Variants in NIPSNAP3A observed in about 807,000 individuals in gnomAD.
The protein encoded by NIPSNAP3A is nipsnap homolog 3A.
Under a neutral mutation model 32.3 loss-of-function variants are expected in NIPSNAP3A, and 27 were observed. That is an observed-to-expected ratio of 0.84 (90% CI 0.62 to 1.15). The LOEUF (loss-of-function observed/expected upper bound fraction) is 1.15. Ranked by LOEUF, NIPSNAP3A falls within the 50% of genes most tolerant of loss-of-function variation. NIPSNAP3A has a pLI of 0.00. For missense variants in NIPSNAP3A, 278 were observed against 297.2 expected (o/e 0.94, Z 0.48); for synonymous variants, 108 against 107.3 (o/e 1.01, Z -0.04).
intron 4 of NIPSNAP3A, among the ~76,000 whole-genome samples, chr9:104,755,774 T>C (rs1312477656): frequency 6.6e-6 from 1 of 151,904 alleles, no homozygotes; most frequent in Non-Finnish European, 1.5e-5. Context: ...TAAGAATTAG[T>C]TGGGCATGGT....
Position 104,751,266 on chromosome 9 carries a change from A to G in NIPSNAP3A, c.271+100A>G, listed in dbSNP as rs541629632. 2.6e-5 allele frequency: 28 copies of G among 1,089,494 alleles called. No homozygotes were observed. In the African/African-American group the frequency reaches 2.6e-4, roughly 10 times the overall value. 67.5% of individuals were successfully genotyped at this position (1,089,494 alleles called of 1,614,324 possible). A position where few individuals can be genotyped will look rare whatever the true frequency, so the allele number is the denominator to read the frequency against. On this transcript the variant is annotated intron_variant, in intron 2 of 5. Coordinates refer to ENST00000374767, the MANE Select transcript of NIPSNAP3A (RefSeq NM_015469.3). ...AACATAAAACTTAGTTCTTGGATGT[A>G]TATTATTTTAGATACATACAGGTTA...
chr9:104,755,048 T>C (rs992408905), intron 4 of NIPSNAP3A, among the ~76,000 whole-genome samples: 2 of 152,082 alleles, frequency 1.3e-5, no homozygotes, highest in African/African-American at 4.8e-5. Flanking sequence ...GAGACCAGCC[T>C]GGCAAACATG....
At chr9:104,751,659 G>A (rs551697997) in intron 2 of NIPSNAP3A, among the ~76,000 whole-genome samples, 1 of 152,190 alleles carries the variant, frequency 6.6e-6, no homozygotes, top group South Asian at 2.1e-4. Flanking sequence ...AGGTTTATAG[G>A]GGATGATGGT....
chr9:104,749,523 AG>A (rs1288276182), intron 1 of NIPSNAP3A, among the ~76,000 whole-genome samples: 1 of 152,256 alleles, frequency 6.6e-6, no homozygotes, highest in Non-Finnish European at 1.5e-5. Context: ...ATAGCTTTGT[AG>A]GTATCAAAAC....
At chr9:104,754,761 G>C in intron 4 of NIPSNAP3A, 61 bp downstream of exon 4, 1 of 1,336,642 alleles carries the variant, frequency 7.5e-7, no homozygotes. Flanking sequence ...TAAGTTCCTT[G>C]GGTCAGGTTC....
At chr9:104,752,292 T>C (rs1827856100) in intron 2 of NIPSNAP3A, among the ~76,000 whole-genome samples, 2 of 152,108 alleles carry the variant, frequency 1.3e-5, no homozygotes, top group African/African-American at 4.8e-5. Context: ...TTCTTTGAAA[T>C]CTGTTTGTTC....
chr9:104,748,731 C>T (rs1827810747), intron 1 of NIPSNAP3A, among the ~76,000 whole-genome samples: 1 of 152,148 alleles, frequency 6.6e-6, no homozygotes, highest in Admixed American at 6.5e-5. Context: ...GTTAACAATG[C>T]AGTTTTTACC....
At chr9:104,750,257 T>C (rs2118748889) in intron 1 of NIPSNAP3A, among the ~76,000 whole-genome samples, 1 of 152,346 alleles carries the variant, frequency 6.6e-6, no homozygotes. Context: ...AGAATCCTAA[T>C]TGTAGTTCTT....
At chr9:104,756,330 G>C (rs991002370) in intron 4 of NIPSNAP3A, among the ~76,000 whole-genome samples, 4 of 151,668 alleles carry the variant, frequency 2.6e-5, no homozygotes, top group Non-Finnish European at 4.4e-5. Flanking sequence ...AGCAAATGAA[G>C]AAACTATGAA....
Position 104,759,285 on chromosome 9 carries a change from G to GTA in NIPSNAP3A, c.693_694dup (p.Ser232TyrfsTer8). On this transcript the variant is annotated frameshift_variant, in exon 6 of 6. Coordinates refer to ENST00000374767, the MANE Select transcript of NIPSNAP3A (RefSeq NM_015469.3). LOFTEE classifies it high-confidence loss of function. ...AGTTCGGGAAAGTGTCAACTACCTA[G>GTA]TATCTCAGCAGAATATGCTTCTGAT... 1 of 1,614,098 alleles carries GTA rather than the reference G, an allele frequency of 6.2e-7. No homozygotes were observed. The highest frequency in any genetic ancestry group is 8.5e-7 in the Non-Finnish European group (1 of 1,180,020).
intron 4 of NIPSNAP3A, 118 bp downstream of exon 4, chr9:104,754,818 T>G (rs1827887758): frequency 1.3e-6 from 1 of 753,928 alleles, no homozygotes; most frequent in Non-Finnish European, 2.2e-6. Flanking sequence ...AAATGTTTAG[T>G]TTTTTGTAAT....
intron 1 of NIPSNAP3A, among the ~76,000 whole-genome samples, chr9:104,748,673 C>CAA (rs1827808528): frequency 6.6e-6 from 1 of 152,150 alleles, no homozygotes; most frequent in Non-Finnish European, 1.5e-5. Context: ...GTCCTAGAGA[C>CAA]AGACTGAGGA....
chr9:104,759,623 G>A lies in NIPSNAP3A; in HGVS notation c.*285G>A, dbSNP rs1827950066. The A allele has an allele frequency of 2.6e-6, 1 of 378,286 alleles. No individual in the cohort carries two copies. Among genetic ancestry groups the A allele is most frequent in the East Asian group, 5.6e-5 (1 of 17,922 alleles). 23.4% of individuals were successfully genotyped at this position (378,286 alleles called of 1,614,324 possible). On this transcript the variant is annotated 3_prime_UTR_variant, in exon 6 of 6. Transcript: ENST00000374767. ...TTTGTTTCAGAATAGCTCTTCTACT[G>A]TATTCTGACAACTCTTTGCTTTATA...
chr9:104,759,035 A>T lies in NIPSNAP3A; in HGVS notation c.581-50A>T, dbSNP rs766249444. ...TTGATTCATTTTTCTGTTATTTCTT[A>T]TTTGTTAAGGCCATATTTTTTAGAA... On this transcript the variant is annotated intron_variant, in intron 4 of 5. Coordinates refer to ENST00000374767, the MANE Select transcript of NIPSNAP3A (RefSeq NM_015469.3). 6 of 1,046,676 alleles carry T rather than the reference A, an allele frequency of 5.7e-6. No homozygotes were observed. The highest frequency in any genetic ancestry group is 8.4e-6 in the Non-Finnish European group (6 of 714,266). The allele number at this position is 1,046,676 out of a possible 1,614,324, so 64.8% of individuals were successfully genotyped here.
Position 104,751,093 on chromosome 9 carries a change from C to T in NIPSNAP3A, c.198C>T (p.His66=). Residue 66 remains histidine (H), a synonymous_variant, in exon 2 of 6, where the codon CAC becomes CAT. Transcript: ENST00000374767. The stretch of plus-strand genomic sequence containing the variant: ...AAAACGCTCATCTTCGGACAGCTCA[C>T]TCTGAATTGGTTGGATACTGGAGTG... ...FEKNAHLRTA[H]SELVGYWSVE... is the part of the protein sequence containing the mutation. The T allele has an allele frequency of 6.2e-7, 1 of 1,614,036 alleles. No homozygotes were observed. The highest frequency in any genetic ancestry group is 8.5e-7 in the Non-Finnish European group (1 of 1,179,936).
At chr9:104,756,411 A>C (rs973568162) in intron 4 of NIPSNAP3A, among the ~76,000 whole-genome samples, 1 of 150,918 alleles carries the variant, frequency 6.6e-6, no homozygotes, top group Non-Finnish European at 1.5e-5. Flanking sequence ...AATCACCATA[A>C]ATGAAATTCA....
At position 104,756,462 on chromosome 9, in the gene NIPSNAP3A, T is replaced by C. The variant is rs544221608; in HGVS notation, c.580+1762T>C. On this transcript the variant is annotated intron_variant, in intron 4 of 5. Transcript: ENST00000374767. ...ATAAAAATTTATGCAAAAGTAGACA[T>C]GCACATGGCTACTAAATATATATTA... is the stretch of plus-strand genomic sequence containing the variant. 5.9e-5 allele frequency among the ~76,000 whole-genome samples: 9 copies of C among 152,114 alleles called. 1 individual carries two copies. The South Asian group carries it at 1.7e-3, about 28-fold the overall frequency.
chr9:104,759,666 A>T lies in NIPSNAP3A; in HGVS notation c.*328A>T. On this transcript the variant is annotated 3_prime_UTR_variant, in exon 6 of 6. Coordinates refer to ENST00000374767, the MANE Select transcript of NIPSNAP3A (RefSeq NM_015469.3). ...GCTTTATAGCATTTTGTTGTATTCA[A>T]ATGATAATGGTAGCATTTCCATGCT... 2 of 231,528 alleles carry T rather than the reference A, an allele frequency of 8.6e-6. No homozygotes were observed. The highest frequency in any genetic ancestry group is 1.7e-5 in the Non-Finnish European group (2 of 117,536). The allele number at this position is 231,528 out of a possible 1,614,324, so 14.3% of individuals were successfully genotyped here. A position where few individuals can be genotyped will look rare whatever the true frequency, so the allele number is the denominator to read the frequency against.
chr9:104,751,724 A>G (rs1399295436), intron 2 of NIPSNAP3A, among the ~76,000 whole-genome samples: 2 of 152,138 alleles, frequency 1.3e-5, no homozygotes, highest in East Asian at 3.8e-4. Context: ...ATGTTTAGAG[A>G]CCACATTTGT....
Sources: allele counts gnomAD v4.1 joint callset (sites outside exome capture counted in the v4.1 genomes callset), GRCh38; gene constraint gnomAD v4.1.1; transcripts MANE v1.5; gene names NCBI Gene and HGNC (gene_info 2026-07-23, HGNC 2026-07-21).